Variants in BLOC1S3 observed in about 807,000 individuals in gnomAD.
BLOC1S3 encodes biogenesis of lysosome-related organelles complex 1 subunit 3.
Under a neutral mutation model 9.1 loss-of-function variants are expected in BLOC1S3, and 7 were observed. That is an observed-to-expected ratio of 0.77 (90% CI 0.44 to 1.45). BLOC1S3 has a LOEUF of 1.45. Among genes scored for constraint, BLOC1S3 ranks in the 40% most tolerant of loss-of-function variants. The pLI is 0.01. For missense variants in BLOC1S3, 307 were observed against 315.2 expected, an observed-to-expected ratio of 0.97 and a Z score of 0.20; for synonymous variants, 145 against 158.4, an observed-to-expected ratio of 0.92 and a Z score of 0.64.
chr19:45,213,908 C>T (rs978828171), intron 3 of BLOC1S3, among the ~76,000 whole-genome samples: 4 of 151,988 alleles, frequency 2.6e-5, no homozygotes, highest in East Asian at 1.9e-4. Context: ...GAGCTGAGAT[C>T]GCGCCACTGC....
At chr19:45,213,174 A>G in intron 3 of BLOC1S3, 2 of 1,600,424 alleles carry the variant, frequency 1.2e-6, no homozygotes, top group Non-Finnish European at 1.7e-6. Flanking sequence ...CCAGGAAGAG[A>G]GGGAGGCTGA....
chr19:45,216,528 G>A lies in BLOC1S3; in HGVS notation n.283-148G>A, dbSNP rs1969836958. Reference sequence around the variant, plus strand: ...CGAGAGGCAGAGGTTACAGTGAGCGGAGACTGCACCACTGCACTCCAGCCT... The same window carrying A: ...CGAGAGGCAGAGGTTACAGTGAGCGAAGACTGCACCACTGCACTCCAGCCT... On this transcript the variant is annotated intron_variant and non_coding_transcript_variant, in intron 3 of 3. Transcript: ENST00000591569. 2.0e-5 allele frequency: 4 copies of A among 195,374 alleles called. No individual in the cohort carries two copies. The Admixed American group carries it at 2.2e-4, about 11-fold the overall frequency. The allele number at this position is 195,374 out of a possible 1,614,324, so 12.1% of individuals were successfully genotyped here.
chr19:45,186,160 G>C (rs980346420), downstream of BLOC1S3, among the ~76,000 whole-genome samples: 1 of 152,056 alleles, frequency 6.6e-6, no homozygotes, highest in Non-Finnish European at 1.5e-5. Context: ...GGGTGCATGG[G>C]AGGGGGTGAG....
intron 3 of BLOC1S3, among the ~76,000 whole-genome samples, chr19:45,212,408 C>T (rs1050086852): frequency 1.3e-5 from 2 of 152,042 alleles, no homozygotes; most frequent in African/African-American, 4.8e-5. Flanking sequence ...AAGTATCGAA[C>T]GTTCCTTAAT....
chr19:45,186,049 A>G (rs1385999996), downstream of BLOC1S3, among the ~76,000 whole-genome samples: 2 of 151,848 alleles, frequency 1.3e-5, no homozygotes, highest in Non-Finnish European at 2.9e-5. Flanking sequence ...GGAGGCGAAC[A>G]TTGCAGTGAG....
rs1190286219 is a variant in BLOC1S3 at position 45,179,359 on chromosome 19, G to A, written c.63G>A (p.Glu21=). 5 of 1,586,314 alleles carry A rather than the reference G, an allele frequency of 3.2e-6. No individual in the cohort carries two copies. The highest frequency in any genetic ancestry group is 4.3e-6 in the Non-Finnish European group (5 of 1,174,656). The change falls in exon 2 of 2, where the codon GAG becomes GAA. Residue 21 remains glutamate (E), a synonymous_variant. Coordinates refer to ENST00000433642, the MANE Select transcript of BLOC1S3 (RefSeq NM_212550.5). The surrounding 1 kb of genome is among the most constrained non-coding windows in gnomAD (Gnocchi z 4.6). ...GGCCGGAGACGGTGGTGCCGGGGGA[G>A]GCGACCGAGACGGATTCCGAGCGCT... ...LRRPETVVPG[E]ATETDSERSA...
At chr19:45,212,268 G>A (rs1969781159) in intron 3 of BLOC1S3, among the ~76,000 whole-genome samples, 1 of 152,208 alleles carries the variant, frequency 6.6e-6, no homozygotes, top group Admixed American at 6.6e-5. Flanking sequence ...CTGCCCAGGA[G>A]CTGGAGCCCA....
chr19:45,184,130 CCTTT>C (rs911801451), downstream of BLOC1S3, among the ~76,000 whole-genome samples: 8 of 152,090 alleles, frequency 5.3e-5, no homozygotes, highest in Non-Finnish European at 7.3e-5. Flanking sequence ...TTCCTTCCTT[CCTTT>C]CTTTCGGTGG....
intron 2 of BLOC1S3, among the ~76,000 whole-genome samples, chr19:45,200,043 G>A (rs1969678398): frequency 6.6e-6 from 1 of 152,168 alleles, no homozygotes; most frequent in Non-Finnish European, 1.5e-5. Flanking sequence ...TGGGATTACA[G>A]GTATGAGCCA....
chr19:45,216,755 A>G (rs1229793055), exon 4 of BLOC1S3: 3 of 152,448 alleles, frequency 2.0e-5, no homozygotes, highest in Non-Finnish European at 4.4e-5. Flanking sequence ...GCGGGGATGG[A>G]GACTGGACAA....
chr19:45,212,866 T>C (rs1048871284), intron 3 of BLOC1S3: 18 of 533,998 alleles, frequency 3.4e-5, no homozygotes, highest in Non-Finnish European at 4.9e-5. Context: ...TCCCAAAGTG[T>C]TGGGATTACA....
chr19:45,192,468 C>T (rs943263441), intron 2 of BLOC1S3, among the ~76,000 whole-genome samples: 2 of 152,132 alleles, frequency 1.3e-5, no homozygotes, highest in South Asian at 4.1e-4. Flanking sequence ...TTACTCTTCC[C>T]TCCCGCTTCC....
chr19:45,212,313 G>A (rs1162385274), intron 3 of BLOC1S3, among the ~76,000 whole-genome samples: 2 of 152,202 alleles, frequency 1.3e-5, no homozygotes, highest in South Asian at 2.1e-4. Context: ...CCACTGGCCC[G>A]GGGCCCTGCT....
intron 2 of BLOC1S3, among the ~76,000 whole-genome samples, chr19:45,193,201 A>T (rs1004744394): frequency 6.1e-5 from 9 of 148,352 alleles, no homozygotes; most frequent in Non-Finnish European, 1.2e-4. Flanking sequence ...TCTTTCAGTG[A>T]TATGAAGTTA....
downstream of BLOC1S3, among the ~76,000 whole-genome samples, chr19:45,186,045 G>A (rs1026848731): frequency 5.3e-5 from 8 of 152,022 alleles, no homozygotes; most frequent in South Asian, 2.1e-4. Flanking sequence ...CCTGGGAGGC[G>A]AACATTGCAG....
At chr19:45,189,716 G>A (rs1178075335) in intron 2 of BLOC1S3, among the ~76,000 whole-genome samples, 1 of 151,664 alleles carries the variant, frequency 6.6e-6, no homozygotes, top group Non-Finnish European at 1.5e-5. Context: ...GATTACAGGC[G>A]TGAGCCACCA....
At chr19:45,204,524 A>G (rs145016997) in intron 3 of BLOC1S3, among the ~76,000 whole-genome samples, 2 of 152,066 alleles carry the variant, frequency 1.3e-5, no homozygotes, top group Admixed American at 6.6e-5. Context: ...GAGTTTCTCA[A>G]CTAGTTGCAT....
At chr19:45,209,741 G>A (rs746779374) in intron 3 of BLOC1S3, among the ~76,000 whole-genome samples, 5 of 145,132 alleles carry the variant, frequency 3.4e-5, no homozygotes, top group Admixed American at 7.1e-5. Flanking sequence ...TTTTTGAGGC[G>A]GAGTTTCGCC....
intron 2 of BLOC1S3, among the ~76,000 whole-genome samples, chr19:45,196,488 C>A (rs1054931022): frequency 6.6e-6 from 1 of 151,968 alleles, no homozygotes; most frequent in Non-Finnish European, 1.5e-5. Context: ...CAGCACTGAG[C>A]CTGCCAAGGA....
Sources: allele counts gnomAD v4.1 joint callset (sites outside exome capture counted in the v4.1 genomes callset), GRCh38; gene constraint gnomAD v4.1.1; non-coding constraint Gnocchi (gnomAD v3.1); transcripts MANE v1.5; gene names NCBI Gene and HGNC (gene_info 2026-07-23, HGNC 2026-07-21).